The following PIGG variants were observed in gnomAD, a reference collection of about 807,000 sequenced individuals.
PIGG encodes phosphatidylinositol glycan anchor biosynthesis class G (EMM blood group).
In PIGG, 70 loss-of-function variants were observed where a neutral mutation model predicts 83.2. That is an observed-to-expected ratio of 0.84 (90% CI 0.69 to 1.03). The LOEUF (loss-of-function observed/expected upper bound fraction) is 1.03, where lower values mean the gene tolerates loss of function less well. PIGG is among the 50% of genes least tolerant of loss of function. The pLI, the probability that PIGG is intolerant of heterozygous loss-of-function variation, is 0.00. For synonymous variants in PIGG, 532 were observed against 519.5 expected (o/e 1.02, Z -0.33); for missense variants, 1,257 against 1,233.6 (o/e 1.02, Z -0.28).
At position 508,839 on chromosome 4, in the gene PIGG, C is replaced by T. The variant is rs782384237; in HGVS notation, c.770C>T (p.Thr257Met). ...TCCTTTGCCTTAAAGGAGAGAGAGA[C>T]GCCTTTACCCAATTTGCTGGTTCTT... ...HTSLQSKERE[T>M]PLPNLLVLCG... The change falls in exon 5 of 13, where the codon ACG becomes ATG. Residue 257 changes from threonine (T) to methionine (M), a missense_variant. Thr to Met is a moderately conservative substitution (Grantham distance 81). Coordinates refer to ENST00000453061, the MANE Select transcript of PIGG (RefSeq NM_001127178.3). 8 of 1,613,904 alleles carry T rather than the reference C, an allele frequency of 5.0e-6. No homozygotes were observed. The highest frequency in any genetic ancestry group is 4.5e-5 in the East Asian group (2 of 44,872).
Position 523,480 on chromosome 4 carries a change from A to G in PIGG, c.1636A>G (p.Arg546Gly), listed in dbSNP as rs1303317105. Residue 546 changes from arginine to glycine, a missense_variant, in exon 9 of 13, where the codon AGG becomes GGG. Physicochemically the swap from Arg to Gly is moderately radical, Grantham distance 125 (BLOSUM62 -2). Transcript: ENST00000453061. ...PRKNPMHPSSRWSELDLLILL... is the reference protein window; with the variant it reads ...PRKNPMHPSSGWSELDLLILL... ...ACAGAACCCCATGCATCCCAGCTCA[A>G]GGTGGTCAGAGCTAGACCTTCTTAT... The G allele has an allele frequency of 3.1e-6, 5 of 1,610,060 alleles. No individual in the cohort carries two copies. The highest frequency in any genetic ancestry group is 1.3e-5 in the African/African-American group (1 of 74,770).
chr4:527,220 G>A lies in PIGG; in HGVS notation c.2251G>A (p.Asp751Asn), dbSNP rs1247112586. The A allele has an allele frequency of 5.7e-6, 9 of 1,592,160 alleles. No homozygotes were observed. Among genetic ancestry groups the A allele is most frequent in the African/African-American group, 1.3e-5 (1 of 74,084 alleles). Residue 751 changes from aspartate (D) to asparagine (N), a missense_variant, in exon 10 of 13, where the codon GAC becomes AAC. Physicochemically the swap from Asp to Asn is conservative, Grantham distance 23 (BLOSUM62 1). Transcript: ENST00000453061. The part of the protein sequence containing the change: ...VRFPWRPDSK[D>N]ISKGIIEARF... Reference sequence around the variant, plus strand: ...GTTCCCGTGGCGGCCGGACAGCAAGGACATTTCCAAGTAAGTGCGTGGCGG... The same window carrying A: ...GTTCCCGTGGCGGCCGGACAGCAAGAACATTTCCAAGTAAGTGCGTGGCGG...
intron 2 of PIGG, among the ~76,000 whole-genome samples, chr4:504,337 T>G (rs1214270163): frequency 6.6e-6 from 1 of 152,146 alleles, no homozygotes; most frequent in Non-Finnish European, 1.5e-5. Flanking sequence ...CCTCCCTGGG[T>G]GTGGGGCTTC....
At chr4:527,382 A>C (rs1727949657) in intron 10 of PIGG, 152 bp downstream of exon 10, 6 of 1,390,408 alleles carry the variant, frequency 4.3e-6, no homozygotes, top group Non-Finnish European at 9.3e-7. Context: ...GTGAATTGTG[A>C]TTGTGTCAAC....
At chr4:530,028 T>C (rs796313508) in intron 10 of PIGG, among the ~76,000 whole-genome samples, 5 of 152,358 alleles carry the variant, frequency 3.3e-5, no homozygotes, top group African/African-American at 1.2e-4. Flanking sequence ...AGTTGTGCAA[T>C]GAACATTTAT....
chr4:526,959 G>T, intron 9 of PIGG, 80 bp from the exon 10 acceptor site: 1 of 1,488,396 alleles, frequency 6.7e-7, no homozygotes, highest in Admixed American at 2.0e-5. Context: ...TTTTAATACC[G>T]TTCTTTGAAA....
chr4:509,416 A>G (rs1721082434), intron 5 of PIGG, among the ~76,000 whole-genome samples: 1 of 152,060 alleles, frequency 6.6e-6, no homozygotes. Context: ...ACACGCCCCA[A>G]ACACACACAC....
intron 9 of PIGG, among the ~76,000 whole-genome samples, chr4:526,680 C>T (rs964823521): frequency 3.3e-5 from 5 of 150,786 alleles, no homozygotes; most frequent in African/African-American, 1.2e-4. Flanking sequence ...GTGGGAGACC[C>T]GTTTGTGAAT....
At chr4:521,440 T>C (rs1407451653) in intron 7 of PIGG, among the ~76,000 whole-genome samples, 167 bp downstream of exon 7, 2 of 152,192 alleles carry the variant, frequency 1.3e-5, no homozygotes, top group African/African-American at 4.8e-5. Context: ...AGACCCAGAG[T>C]ATTGTCAGTG....
At chr4:507,764 G>C (rs1384983174) in intron 4 of PIGG, among the ~76,000 whole-genome samples, 171 bp downstream of exon 4, 1 of 152,222 alleles carries the variant, frequency 6.6e-6, no homozygotes, top group Non-Finnish European at 1.5e-5. Context: ...CCACTGCACT[G>C]ACTCCGTCTT....
intron 12 of PIGG, among the ~76,000 whole-genome samples, chr4:538,053 C>A (rs1731121344): frequency 6.8e-6 from 1 of 148,044 alleles, no homozygotes; most frequent in Admixed American, 6.7e-5. Context: ...GCAGCGGGAC[C>A]CACACACCCA....
At chr4:509,524 T>A (rs1553882023) in intron 5 of PIGG, among the ~76,000 whole-genome samples, 1 of 152,190 alleles carries the variant, frequency 6.6e-6, no homozygotes, top group Non-Finnish European at 1.5e-5. Flanking sequence ...GCCTTCCACT[T>A]GCGCCTGGCT....
At position 516,017 on chromosome 4, in the gene PIGG, GCGACA is replaced by G; in HGVS notation, c.948_952del (p.Thr317GlyfsTer41). 1 of 1,614,248 alleles carries G rather than the reference GCGACA, an allele frequency of 6.2e-7. No individual in the cohort carries two copies. The highest frequency in any genetic ancestry group is 1.1e-5 in the South Asian group (1 of 91,092). On this transcript the variant is annotated frameshift_variant, in exon 6 of 13. Transcript: ENST00000453061. LOFTEE classifies it high-confidence loss of function. The stretch of plus-strand genomic sequence containing the variant: ...GCACGTCCAACAGACGGATGTGGCT[GCGACA>G]CTGGCGATAGCACTTGGCTTACCGA...
intron 9 of PIGG, 133 bp from the exon 10 acceptor site, chr4:526,906 A>C: frequency 9.9e-7 from 1 of 1,014,028 alleles, no homozygotes; most frequent in East Asian, 2.6e-5. Context: ...AATAAAAATC[A>C]ACAATTTCAT....
At chr4:517,063 G>A (rs1414054868) in intron 6 of PIGG, among the ~76,000 whole-genome samples, 2 of 152,066 alleles carry the variant, frequency 1.3e-5, no homozygotes, top group Non-Finnish European at 2.9e-5. Flanking sequence ...GGGCAGAGGA[G>A]ATGGCATTAA....
chr4:537,274 C>G (rs1316110448), intron 12 of PIGG: 1 of 152,166 alleles, frequency 6.6e-6, no homozygotes, highest in Non-Finnish European at 1.5e-5. Flanking sequence ...ACCCTCTGTT[C>G]CAGGGGCTGG....
chr4:518,474 G>T lies in PIGG; in HGVS notation c.1114+2289G>T, dbSNP rs569540094. On this transcript the variant is annotated intron_variant, in intron 6 of 12. Transcript: ENST00000453061. ...TGGGCATGGTGGCAGGCGCCTGTAG[G>T]CCCAGCTACTCGGGAGGCTGAGGCA... 5.9e-5 allele frequency among the ~76,000 whole-genome samples: 9 copies of T among 152,134 alleles called. No homozygotes were observed. The East Asian group carries it at 1.6e-3, about 26-fold the overall frequency.
At position 521,127 on chromosome 4, in the gene PIGG, A is replaced by T; in HGVS notation, c.1186A>T (p.Lys396Ter). 1.9e-6 allele frequency: 3 copies of T among 1,614,132 alleles called. No individual in the cohort carries two copies. The highest frequency in any genetic ancestry group is 2.5e-6 in the Non-Finnish European group (3 of 1,179,990). ...CTGGATCAGACTGTACTTGGAGGAA[A>T]AGCATTCAGAAGTCCTATTCAACCT... is the stretch of plus-strand genomic sequence containing the variant. ...GNWIRLYLEE[K>*]HSEVLFNLGS... Residue 396 changes from lysine (K) to a stop codon, truncating the protein, a stop_gained, in exon 7 of 13, where the codon AAG becomes TAG. Coordinates refer to ENST00000453061, the MANE Select transcript of PIGG (RefSeq NM_001127178.3). LOFTEE classifies it high-confidence loss of function.
At chr4:503,176 T>C (rs941894026) in intron 2 of PIGG, among the ~76,000 whole-genome samples, 1 of 152,180 alleles carries the variant, frequency 6.6e-6, no homozygotes, top group African/African-American at 2.4e-5. Context: ...TGGATGTGAA[T>C]ACAGGTTGAC....
Sources: gnomAD v4.1 joint callset for allele counts (sites outside exome capture counted in the v4.1 genomes callset) on GRCh38, gnomAD v4.1.1 for gene constraint, MANE v1.5 for transcripts, NCBI Gene and HGNC (gene_info 2026-07-23, HGNC 2026-07-21) for gene names.